ZNF385D: variants seen among roughly 807,000 people sequenced by gnomAD.
ZNF385D encodes the protein zinc finger protein 659.
ZNF385D carries 15 observed loss-of-function variants against 35.8 expected under a neutral mutation model. The ratio of observed to expected loss-of-function variants is 0.42; its 90% CI spans 0.28 to 0.64. The LOEUF is 0.64. Ranked by LOEUF, ZNF385D falls within the 30% of genes least tolerant of loss-of-function variation. ZNF385D has a pLI of 0.23. For missense variants in ZNF385D, 474 were observed against 494.6 expected (o/e 0.96, Z 0.39); for synonymous variants, 212 against 186.8 (o/e 1.13, Z -1.10).
Position 21,810,992 on chromosome 3 carries a change from G to GTA in ZNF385D, c.326-145965_326-145964insTA, listed in dbSNP as rs779407118. ...TATACGTGTGTGTGTGTGTGTGTGT[G>GTA]TGTGTGTATATATATATACATTTTA... On this transcript the variant is annotated intron_variant, in intron 3 of 5. Transcript: ENST00000494108. Among the ~76,000 whole-genome samples, 77 of 114,474 alleles carry GTA rather than the reference G, an allele frequency of 6.7e-4. 1 individual carries two copies. The highest frequency in any genetic ancestry group is 1.9e-3 in the African/African-American group (54 of 28,322). 75.1% of individuals were successfully genotyped at this position (114,474 alleles called of 152,430 possible).
At chr3:22,229,598 C>T (rs1315244810) in intron 2 of ZNF385D, among the ~76,000 whole-genome samples, 1 of 152,176 alleles carries the variant, frequency 6.6e-6, no homozygotes, top group Non-Finnish European at 1.5e-5. Context: ...GAAGTTATTT[C>T]CTCACAGCCA....
At chr3:21,849,331 C>A (rs566377035) in intron 3 of ZNF385D, among the ~76,000 whole-genome samples, 2 of 152,048 alleles carry the variant, frequency 1.3e-5, no homozygotes, top group Non-Finnish European at 2.9e-5. Flanking sequence ...TGAGCTAATA[C>A]TTAAAGAGTT....
intron 2 of ZNF385D, among the ~76,000 whole-genome samples, chr3:21,656,650 A>G (rs1333990249): frequency 2.0e-5 from 3 of 151,900 alleles, no homozygotes; most frequent in African/African-American, 7.2e-5. Flanking sequence ...GAGGGACACA[A>G]TTCAACCCAT....
At chr3:22,097,562 A>G (rs1046755461) in intron 3 of ZNF385D, among the ~76,000 whole-genome samples, 1 of 152,130 alleles carries the variant, frequency 6.6e-6, no homozygotes, top group Non-Finnish European at 1.5e-5. Flanking sequence ...TTCCAAGAAC[A>G]TTGAAAGAGC....
At chr3:22,014,311 A>G (rs186198228) in intron 3 of ZNF385D, among the ~76,000 whole-genome samples, 2 of 152,272 alleles carry the variant, frequency 1.3e-5, no homozygotes, top group East Asian at 3.9e-4. Flanking sequence ...AGGCAAAGGA[A>G]GGCATTCCTC....
At chr3:21,586,807 G>GTAAT (rs2063824599) in intron 2 of ZNF385D, among the ~76,000 whole-genome samples, 2 of 152,226 alleles carry the variant, frequency 1.3e-5, no homozygotes, top group African/African-American at 4.8e-5. Context: ...ATAACCCAGA[G>GTAAT]TAATGAAGGG....
intron 1 of ZNF385D, 34 bp downstream of exon 1, chr3:21,750,861 C>A: frequency 6.2e-7 from 1 of 1,612,912 alleles, no homozygotes; most frequent in Non-Finnish European, 8.5e-7. Context: ...GAGCCGGACA[C>A]CCCCAGAATT....
intron 3 of ZNF385D, among the ~76,000 whole-genome samples, chr3:22,128,425 A>T (rs566404235): frequency 6.6e-6 from 1 of 152,304 alleles, no homozygotes; most frequent in East Asian, 1.9e-4. Flanking sequence ...AATATTTAAT[A>T]TCTTTCTCTA....
At chr3:21,424,157 A>C (rs1700874867) in intron 6 of ZNF385D, 93 bp from the exon 7 acceptor site, 2 of 1,151,106 alleles carry the variant, frequency 1.7e-6, no homozygotes, top group Non-Finnish European at 2.4e-6. Flanking sequence ...GATATTCATT[A>C]TTTCATGCAA....
chr3:21,802,373 T>C (rs1421514352), intron 3 of ZNF385D, among the ~76,000 whole-genome samples: 2 of 152,170 alleles, frequency 1.3e-5, no homozygotes, highest in Non-Finnish European at 2.9e-5. Context: ...GATTTTTCAT[T>C]GTTTCCAGAA....
intron 3 of ZNF385D, among the ~76,000 whole-genome samples, chr3:21,556,224 T>C (rs192929776): frequency 9.6e-4 from 146 of 152,264 alleles, no homozygotes; most frequent in Non-Finnish European, 1.7e-3. Context: ...CTCTTTAGCT[T>C]AATTAGATCT....
chr3:22,285,796 G>A (rs1030218811), intron 2 of ZNF385D, among the ~76,000 whole-genome samples: 3 of 152,020 alleles, frequency 2.0e-5, no homozygotes, highest in Admixed American at 6.6e-5. Flanking sequence ...CGGCATCACC[G>A]TCTATGGGAA....
intron 3 of ZNF385D, among the ~76,000 whole-genome samples, chr3:22,087,095 T>G (rs1701085218): frequency 6.6e-6 from 1 of 152,086 alleles, no homozygotes; most frequent in Non-Finnish European, 1.5e-5. Flanking sequence ...AAAAAAGAAT[T>G]TTCTGATCGG....
intron 2 of ZNF385D, among the ~76,000 whole-genome samples, chr3:22,294,266 T>C (rs1345447602): frequency 1.3e-5 from 2 of 151,980 alleles, no homozygotes; most frequent in Non-Finnish European, 2.9e-5. Context: ...TGGATGCAGT[T>C]TTAGCTTCCC....
intron 3 of ZNF385D, among the ~76,000 whole-genome samples, chr3:21,765,956 T>A (rs536172765): frequency 1.6e-4 from 25 of 152,124 alleles, no homozygotes; most frequent in Admixed American, 3.9e-4. Flanking sequence ...TTCAGTAGAC[T>A]GAAACTAGTA....
At chr3:22,239,035 T>A (rs1374062674) in intron 2 of ZNF385D, among the ~76,000 whole-genome samples, 1 of 150,934 alleles carries the variant, frequency 6.6e-6, no homozygotes, top group East Asian at 1.9e-4. Flanking sequence ...ATCATAGGCT[T>A]TAGACAACAC....
chr3:21,964,822 C>A (rs772799395), intron 3 of ZNF385D, among the ~76,000 whole-genome samples: 7 of 152,066 alleles, frequency 4.6e-5, no homozygotes, highest in Admixed American at 2.6e-4. Context: ...TAACATAATT[C>A]TTTGTTGTAT....
chr3:21,993,807 C>T (rs778376420), intron 3 of ZNF385D, among the ~76,000 whole-genome samples: 51 of 152,128 alleles, frequency 3.4e-4, no homozygotes, highest in Non-Finnish European at 6.6e-4. Flanking sequence ...ATATAGCGTC[C>T]TTACTCATAC....
chr3:22,195,392 T>C (rs958507426), intron 2 of ZNF385D, among the ~76,000 whole-genome samples: 1 of 151,982 alleles, frequency 6.6e-6, no homozygotes, highest in Non-Finnish European at 1.5e-5. Context: ...ATATATTTTT[T>C]CTTTCTAGAT....
Sources: allele counts gnomAD v4.1 joint callset (sites outside exome capture counted in the v4.1 genomes callset), GRCh38; gene constraint gnomAD v4.1.1; transcripts MANE v1.5; gene names NCBI Gene and HGNC (gene_info 2026-07-23, HGNC 2026-07-21).